Variants in TGFBRAP1 observed in about 807,000 individuals in gnomAD.
TGFBRAP1 encodes transforming growth factor-beta receptor-associated protein 1.
TGFBRAP1 carries 20 observed loss-of-function variants against 83.2 expected under a neutral mutation model. The observed-to-expected ratio is 0.24, with a 90% CI of 0.17 to 0.35. The LOEUF is 0.35. Among genes scored for constraint, TGFBRAP1 ranks in the 10% least tolerant of loss-of-function variants. The pLI, the probability that TGFBRAP1 is intolerant of heterozygous loss-of-function variation, is 1.00. For missense variants in TGFBRAP1, 950 were observed against 1,099.4 expected, an observed-to-expected ratio of 0.86 and a Z score of 1.92; for synonymous variants, 415 against 459.8, an observed-to-expected ratio of 0.90 and a Z score of 1.25.
Position 105,269,785 on chromosome 2 carries a change from G to A in TGFBRAP1, c.1973-80C>T. On this transcript the variant is annotated intron_variant, in intron 10 of 11. Transcript: ENST00000393359. The surrounding 1 kb of genome is among the most constrained non-coding windows in gnomAD (Gnocchi z 4.1). ...AGCGACTGGCCTCCTTGCTGCTCTGGGCTTCAGGAGGGGAAAAGTCAACCT... is the reference window on the plus strand; with the variant it reads ...AGCGACTGGCCTCCTTGCTGCTCTGAGCTTCAGGAGGGGAAAAGTCAACCT... 2 of 1,396,122 alleles carry A rather than the reference G, an allele frequency of 1.4e-6. No individual in the cohort carries two copies. The highest frequency in any genetic ancestry group is 6.0e-5 in the Admixed American group (2 of 33,508). The allele number at this position is 1,396,122 out of a possible 1,614,324, so 86.5% of individuals were successfully genotyped here. A position where few individuals can be genotyped will look rare whatever the true frequency, so the allele number is the denominator to read the frequency against.
intron 2 of TGFBRAP1, among the ~76,000 whole-genome samples, chr2:105,302,009 T>TAAAA (rs35548542): frequency 1.3e-5 from 1 of 75,080 alleles, no homozygotes; most frequent in African/African-American, 5.2e-5. Flanking sequence ...TAAAGAATAC[T>TAAAA]AAAAAAAAAA....
intron 11 of TGFBRAP1, chr2:105,267,887 G>C: frequency 2.0e-6 from 2 of 985,368 alleles, no homozygotes; most frequent in Non-Finnish European, 2.4e-6. Context: ...AGAAAGTCAT[G>C]AATGTTAATG....
At chr2:105,251,064 C>A in the TGFBRAP1 span, among the ~76,000 whole-genome samples, 1 of 152,250 alleles carries the variant, frequency 6.6e-6, no homozygotes. Context: ...GCAGCCTCTG[C>A]CCGGCCGCCA....
intron 11 of TGFBRAP1, among the ~76,000 whole-genome samples, chr2:105,268,768 G>A (rs1677035543): frequency 1.3e-5 from 2 of 152,228 alleles, no homozygotes; most frequent in South Asian, 4.1e-4. Flanking sequence ...GTCTCCCGAA[G>A]GTGAGTACAG....
chr2:105,329,419 C>A (rs1376309589), intron 1 of TGFBRAP1, among the ~76,000 whole-genome samples: 1 of 151,760 alleles, frequency 6.6e-6, no homozygotes, highest in Non-Finnish European at 1.5e-5. Context: ...AAGTCGCACA[C>A]CCGCACACCT....
chr2:105,263,509 GT>G (rs781208256), downstream of TGFBRAP1, among the ~76,000 whole-genome samples: 18 of 152,118 alleles, frequency 1.2e-4, no homozygotes, highest in Non-Finnish European at 2.4e-4. Flanking sequence ...TCAAGTATGC[GT>G]GAGTTCATGA....
chr2:105,273,514 A>C, intron 9 of TGFBRAP1, 30 bp downstream of exon 9: 1 of 1,611,524 alleles, frequency 6.2e-7, no homozygotes, highest in Non-Finnish European at 8.5e-7. Context: ...TCCAGCCCAC[A>C]CTCTTTAGTC....
At chr2:105,277,334 A>T (rs1677383765) in intron 7 of TGFBRAP1, among the ~76,000 whole-genome samples, 1 of 151,930 alleles carries the variant, frequency 6.6e-6, no homozygotes, top group Non-Finnish European at 1.5e-5. Flanking sequence ...ATATATTATG[A>T]CTTGGAACTC....
At chr2:105,261,173 G>T (rs1676779090), downstream of TGFBRAP1, among the ~76,000 whole-genome samples, 1 of 152,154 alleles carries the variant, frequency 6.6e-6, no homozygotes, top group African/African-American at 2.4e-5. Context: ...AGTGAGGGAG[G>T]GTAGGCCAAC....
chr2:105,271,121 G>C (rs1573157336), intron 10 of TGFBRAP1, among the ~76,000 whole-genome samples: 1 of 152,196 alleles, frequency 6.6e-6, no homozygotes, highest in Non-Finnish European at 1.5e-5. Context: ...GGCTGCCTCT[G>C]ACCCCTCCAC....
At chr2:105,283,527 C>A (rs1472886688) in intron 5 of TGFBRAP1, among the ~76,000 whole-genome samples, 3 of 152,182 alleles carry the variant, frequency 2.0e-5, no homozygotes, top group African/African-American at 7.2e-5. Context: ...TCTGGAGAGA[C>A]ATTTTGAGAA....
chr2:105,256,628 A>C, the TGFBRAP1 span, among the ~76,000 whole-genome samples: 1 of 152,232 alleles, frequency 6.6e-6, no homozygotes, highest in Non-Finnish European at 1.5e-5. Flanking sequence ...TGCCCCGCCC[A>C]AAAGACAGGT....
chr2:105,251,696 T>G, the TGFBRAP1 span, among the ~76,000 whole-genome samples: 1 of 152,004 alleles, frequency 6.6e-6, no homozygotes, highest in Non-Finnish European at 1.5e-5. Flanking sequence ...TTTTGTGGAA[T>G]AGAAAGGGGG....
At chr2:105,277,350 G>GAA (rs141846774) in intron 7 of TGFBRAP1, among the ~76,000 whole-genome samples, 3,565 of 152,274 alleles carry the variant, frequency 0.023, 153 homozygotes, top group African/African-American at 0.083. Flanking sequence ...AACTCTGTGA[G>GAA]ATCATATTTT....
chr2:105,302,197 T>A (rs958918106), intron 2 of TGFBRAP1, among the ~76,000 whole-genome samples: 2 of 152,150 alleles, frequency 1.3e-5, no homozygotes, highest in Admixed American at 1.3e-4. Context: ...TTGGACAACA[T>A]CCTCTGTTGG....
In TGFBRAP1 at chr2:105,267,089, G is replaced by A. The variant is rs1054914311; in HGVS notation, c.*294C>T. The A allele has an allele frequency of 4.6e-6, 1 of 218,282 alleles. No homozygotes were observed. Among genetic ancestry groups the A allele is most frequent in the Admixed American group, 5.3e-5 (1 of 19,032 alleles). 13.5% of individuals were successfully genotyped at this position (218,282 alleles called of 1,614,324 possible). A position where few individuals can be genotyped will look rare whatever the true frequency, so the allele number is the denominator to read the frequency against. ...AGACTCCCTTTTTTTTTTTTTCAAA[G>A]TAGACCTCTGTCTTGGATTACTATG... On this transcript the variant is annotated 3_prime_UTR_variant, in exon 12 of 12. Transcript: ENST00000393359.
intron 5 of TGFBRAP1, among the ~76,000 whole-genome samples, chr2:105,284,105 C>T (rs551741835): frequency 2.0e-5 from 3 of 152,268 alleles, no homozygotes; most frequent in African/African-American, 7.2e-5. Context: ...CACTCTAAGA[C>T]ATAGGCCAGT....
intron 5 of TGFBRAP1, among the ~76,000 whole-genome samples, chr2:105,283,945 T>C (rs1185117783): frequency 6.6e-6 from 1 of 152,204 alleles, no homozygotes; most frequent in African/African-American, 2.4e-5. Context: ...TCATAGCTTC[T>C]TGTAAAAACA....
intron 4 of TGFBRAP1, among the ~76,000 whole-genome samples, chr2:105,288,842 A>G (rs1414849505): frequency 3.3e-5 from 5 of 152,228 alleles, no homozygotes; most frequent in Non-Finnish European, 7.3e-5. Flanking sequence ...ATATGTGTAT[A>G]TATATCCCTT....
Sources: allele counts gnomAD v4.1 joint callset (sites outside exome capture counted in the v4.1 genomes callset), GRCh38; gene constraint gnomAD v4.1.1; non-coding constraint Gnocchi (gnomAD v3.1); transcripts MANE v1.5; gene names NCBI Gene and HGNC (gene_info 2026-07-23, HGNC 2026-07-21).